IGFL2: variants seen among roughly 807,000 people sequenced by gnomAD.
IGFL2 encodes IGF like family member 2, also known as insulin growth factor-like family member 2.
IGFL2 carries 7 observed loss-of-function variants against 13.9 expected under a neutral mutation model. The observed-to-expected ratio is 0.51, with a 90% CI of 0.29 to 0.95. The LOEUF (loss-of-function observed/expected upper bound fraction) is 0.95. Ranked by LOEUF, IGFL2 falls within the 40% of genes least tolerant of loss-of-function variation. The pLI, the probability that IGFL2 is intolerant of heterozygous loss-of-function variation, is 0.08. For missense variants in IGFL2, 138 were observed against 147.8 expected (o/e 0.93, Z 0.34); for synonymous variants, 55 against 55.8 (o/e 0.99, Z 0.07).
the IGFL2 span, among the ~76,000 whole-genome samples, chr19:46,182,840 G>A: frequency 3.3e-5 from 5 of 152,038 alleles, no homozygotes; most frequent in Middle Eastern, 3.4e-3. Context: ...CCTCTGTCTT[G>A]TGGTTTCTCC....
the IGFL2 span, chr19:46,113,289 T>A: frequency 9.0e-5 from 24 of 265,948 alleles, no homozygotes; most frequent in Admixed American, 1.2e-3. Flanking sequence ...ACAGGATGTG[T>A]TCTGCACTTT....
rs1404740139 is a variant in IGFL2 at position 46,148,360 on chromosome 19, C to A, written c.19+63C>A. On this transcript the variant is annotated intron_variant, in intron 1 of 3. Coordinates refer to ENST00000377693, the MANE Select transcript of IGFL2 (RefSeq NM_001135113.2). ...CTGTTATCCCTAATGTACCTCTGAA[C>A]CTCAAACTTAATTCTCTCTTCCCTA... 4.4e-6 allele frequency: 6 copies of A among 1,357,530 alleles called. No homozygotes were observed. In the East Asian group the frequency reaches 7.5e-5, roughly 17 times the overall value. The allele number at this position is 1,357,530 out of a possible 1,614,324, so 84.1% of individuals were successfully genotyped here.
At chr19:46,151,528 A>G (rs888908260) in intron 1 of IGFL2, among the ~76,000 whole-genome samples, 3 of 152,158 alleles carry the variant, frequency 2.0e-5, no homozygotes, top group East Asian at 3.8e-4. Context: ...TGAAGTATCA[A>G]TTCTACAATT....
intron 1 of IGFL2, among the ~76,000 whole-genome samples, chr19:46,150,064 A>G (rs1290721793): frequency 6.6e-6 from 1 of 152,126 alleles, no homozygotes; most frequent in Non-Finnish European, 1.5e-5. Flanking sequence ...TGTTTATTAC[A>G]GTCATCTGGG....
chr19:46,169,317 C>T, the IGFL2 span, among the ~76,000 whole-genome samples: 3 of 152,092 alleles, frequency 2.0e-5, no homozygotes, highest in Admixed American at 6.5e-5. Flanking sequence ...GTGAATCAAC[C>T]TGAAGACAGT....
chr19:46,201,545 ACT>A, the IGFL2 span, among the ~76,000 whole-genome samples: 1 of 152,050 alleles, frequency 6.6e-6, no homozygotes, highest in South Asian at 2.1e-4. Flanking sequence ...CCCAGCCCTG[ACT>A]CTCTGAGTCA....
At chr19:46,140,072 C>T (rs941177435), upstream of IGFL2, among the ~76,000 whole-genome samples, 3 of 152,144 alleles carry the variant, frequency 2.0e-5, no homozygotes, top group Admixed American at 6.5e-5. Context: ...GCCTCAGCCT[C>T]CTGAGTAGCT....
the IGFL2 span, chr19:46,208,496 C>A: frequency 2.0e-5 from 3 of 152,218 alleles, no homozygotes; most frequent in Non-Finnish European, 4.4e-5. Context: ...GGAATAGAAA[C>A]CAAGCTTGGG....
the IGFL2 span, among the ~76,000 whole-genome samples, chr19:46,186,590 C>T: frequency 3.3e-5 from 5 of 152,184 alleles, no homozygotes; most frequent in Admixed American, 6.5e-5. Flanking sequence ...AAATGAACAT[C>T]ACATCCCGTT....
the IGFL2 span, chr19:46,136,724 A>G: frequency 1.9e-6 from 1 of 530,922 alleles, no homozygotes; most frequent in East Asian, 5.1e-5. Flanking sequence ...ATTTCTGAGA[A>G]CTGTTTTGCT....
chr19:46,171,710 G>T, the IGFL2 span, among the ~76,000 whole-genome samples: 1 of 152,138 alleles, frequency 6.6e-6, no homozygotes, highest in African/African-American at 2.4e-5. Flanking sequence ...AGGAGAAAAT[G>T]CGAGTACACT....
At chr19:46,136,805 T>C in the IGFL2 span, 1 of 680,182 alleles carries the variant, frequency 1.5e-6, no homozygotes, top group Non-Finnish European at 2.7e-6. Flanking sequence ...CAACATTCAC[T>C]AGAAGCTGAA....
chr19:46,132,907 A>G, the IGFL2 span, among the ~76,000 whole-genome samples: 1 of 151,972 alleles, frequency 6.6e-6, no homozygotes, highest in African/African-American at 2.4e-5. Flanking sequence ...CCTCACAGAT[A>G]TCTGTTCACG....
At chr19:46,120,608 T>C in the IGFL2 span, among the ~76,000 whole-genome samples, 17 of 150,602 alleles carry the variant, frequency 1.1e-4, 1 homozygote, top group African/African-American at 4.2e-4. Context: ...GATAAAGAAT[T>C]AAAAATATTG....
the IGFL2 span, among the ~76,000 whole-genome samples, chr19:46,121,407 A>AG: frequency 2.0e-5 from 3 of 148,806 alleles, no homozygotes; most frequent in Non-Finnish European, 4.4e-5. Flanking sequence ...AAAAAAAAAA[A>AG]AAGAAGAAGA....
At chr19:46,182,365 T>TAAAAA in the IGFL2 span, among the ~76,000 whole-genome samples, 27 of 78,688 alleles carry the variant, frequency 3.4e-4, no homozygotes, top group African/African-American at 1.2e-3. Context: ...AGACTTTGCC[T>TAAAAA]AAAAAAAAAA....
chr19:46,190,798 A>G, the IGFL2 span, among the ~76,000 whole-genome samples: 1 of 152,232 alleles, frequency 6.6e-6, no homozygotes, highest in Non-Finnish European at 1.5e-5. Context: ...GCTTTAGGGT[A>G]TTCTGCAAAA....
the IGFL2 span, among the ~76,000 whole-genome samples, chr19:46,185,321 A>G: frequency 6.6e-6 from 1 of 151,888 alleles, no homozygotes; most frequent in African/African-American, 2.4e-5. Context: ...TGTGTCTACT[A>G]CCCTTCCTTA....
the IGFL2 span, among the ~76,000 whole-genome samples, chr19:46,112,522 A>C: frequency 6.6e-6 from 1 of 152,230 alleles, no homozygotes; most frequent in Non-Finnish European, 1.5e-5. Flanking sequence ...TGTTCCATCC[A>C]TGTGCCAGGA....
Sources: gnomAD v4.1 joint callset for allele counts (sites outside exome capture counted in the v4.1 genomes callset) on GRCh38, gnomAD v4.1.1 for gene constraint, MANE v1.5 for transcripts, NCBI Gene and HGNC (gene_info 2026-07-23, HGNC 2026-07-21) for gene names.